The following ARHGEF28 variants were observed in gnomAD, a reference collection of about 807,000 sequenced individuals.
ARHGEF28 encodes the protein Rho guanine nucleotide exchange factor 28, also known as 190 kDa guanine nucleotide exchange factor.
Under a neutral mutation model 206.6 loss-of-function variants are expected in ARHGEF28, and 152 were observed. The ratio of observed to expected loss-of-function variants is 0.74; its 90% CI spans 0.64 to 0.84. The LOEUF is 0.84. Among genes scored for constraint, ARHGEF28 ranks in the 40% least tolerant of loss-of-function variants. The probability of loss-of-function intolerance (pLI) is 0.00; values close to 1 mark genes in which losing one functional copy is unlikely to be tolerated. For missense variants in ARHGEF28, 2,028 were observed against 2,073.2 expected (o/e 0.98, Z 0.42); for synonymous variants, 763 against 776.4 (o/e 0.98, Z 0.29).
chr5:73,791,060 T>G (rs1754449633), intron 7 of ARHGEF28, among the ~76,000 whole-genome samples: 1 of 152,200 alleles, frequency 6.6e-6, no homozygotes, highest in African/African-American at 2.4e-5. Context: ...AAACAACTTT[T>G]CCTTCTCTGT....
At chr5:73,798,842 C>T (rs1394863050) in intron 9 of ARHGEF28, among the ~76,000 whole-genome samples, 1 of 152,196 alleles carries the variant, frequency 6.6e-6, no homozygotes, top group Admixed American at 6.5e-5. Flanking sequence ...AATCCCAGCA[C>T]TTTGGGAGGC....
chr5:73,748,372 A>G (rs1165377169), intron 2 of ARHGEF28, among the ~76,000 whole-genome samples: 1 of 152,130 alleles, frequency 6.6e-6, no homozygotes, highest in African/African-American at 2.4e-5. Context: ...TATACTTTGT[A>G]TTTATACCAT....
chr5:73,782,662 C>T (rs545460436), intron 7 of ARHGEF28, among the ~76,000 whole-genome samples: 39 of 152,258 alleles, frequency 2.6e-4, no homozygotes, highest in African/African-American at 6.5e-4. Flanking sequence ...GCTGTGTTGA[C>T]GGAGCCACTC....
chr5:73,741,919 A>G (rs1751456090), intron 2 of ARHGEF28, among the ~76,000 whole-genome samples: 1 of 152,104 alleles, frequency 6.6e-6, no homozygotes, highest in African/African-American at 2.4e-5. Flanking sequence ...GGCCTGTTAA[A>G]GTTTCCCACT....
In ARHGEF28 at chr5:73,909,501, C is replaced by T. The variant is rs1161192432; in HGVS notation, c.4251C>T (p.Leu1417=). ...GCCTGTCTCTCGGCCACTCTATCCTCCGAGGCGGCCCCTTGCAGGACCAGA... is the reference window on the plus strand; with the variant it reads ...GCCTGTCTCTCGGCCACTCTATCCTTCGAGGCGGCCCCTTGCAGGACCAGA... ...QEGLSLGHSI[L]RGGPLQDQKS... The change falls in exon 34 of 36, where the codon CTC becomes CTT. Residue 1417 remains leucine (L), a synonymous_variant. Coordinates refer to ENST00000513042, the MANE Select transcript of ARHGEF28 (RefSeq NM_001177693.2). The T allele has an allele frequency of 6.2e-7, 1 of 1,609,566 alleles. No homozygotes were observed. The highest frequency in any genetic ancestry group is 1.7e-5 in the Admixed American group (1 of 59,390).
chr5:73,941,453 G>A lies in ARHGEF28; in HGVS notation c.*440G>A. 1 of 153,392 alleles carries A rather than the reference G, an allele frequency of 6.5e-6. No homozygotes were observed. The highest frequency in any genetic ancestry group is 1.5e-5 in the Non-Finnish European group (1 of 68,872). 9.5% of individuals were successfully genotyped at this position (153,392 alleles called of 1,614,324 possible). A position where few individuals can be genotyped will look rare whatever the true frequency, so the allele number is the denominator to read the frequency against. On this transcript the variant is annotated 3_prime_UTR_variant, in exon 36 of 36. Coordinates refer to ENST00000513042, the MANE Select transcript of ARHGEF28 (RefSeq NM_001177693.2). ...TGCCCACATAGGCAGAGGAGGATGTGGGAAAGGGTTTTTCTCAGCTAGTTT... is the reference window on the plus strand; with the variant it reads ...TGCCCACATAGGCAGAGGAGGATGTAGGAAAGGGTTTTTCTCAGCTAGTTT...
chr5:73,766,993 G>A (rs1245106967), intron 4 of ARHGEF28, among the ~76,000 whole-genome samples: 5 of 152,132 alleles, frequency 3.3e-5, no homozygotes, highest in African/African-American at 1.2e-4. Flanking sequence ...TTATCGGGGT[G>A]GGTCTTTCCT....
chr5:73,846,914 C>G (rs988651654), intron 12 of ARHGEF28, among the ~76,000 whole-genome samples: 4 of 152,184 alleles, frequency 2.6e-5, no homozygotes, highest in African/African-American at 9.7e-5. Flanking sequence ...TTGAGCATTT[C>G]TGGCTGCTTG....
chr5:73,823,505 C>T (rs1415478262), intron 9 of ARHGEF28, among the ~76,000 whole-genome samples: 1 of 152,094 alleles, frequency 6.6e-6, no homozygotes, highest in Non-Finnish European at 1.5e-5. Context: ...CAGTTGACAT[C>T]TTAGTTTATC....
chr5:73,715,269 CTGCTGCTGAATTG>C (rs1749514207), intron 2 of ARHGEF28, among the ~76,000 whole-genome samples: 1 of 152,188 alleles, frequency 6.6e-6, no homozygotes. Context: ...GGTGCTGTTG[CTGCTGCTGAATTG>C]TGCTGCTGAC....
chr5:73,753,030 TCTG>T lies in ARHGEF28; in HGVS notation c.307_309del (p.Leu103del). The T allele has an allele frequency of 6.2e-7, 1 of 1,610,556 alleles. No individual in the cohort carries two copies. The highest frequency in any genetic ancestry group is 8.5e-7 in the Non-Finnish European group (1 of 1,178,516). ...ACAACATGGCTTGCAGGCTGGCTCG[TCTG>T]CTGGTGACGCAGGCCAATCGCCTCA... On this transcript the variant is annotated inframe_deletion, in exon 4 of 36. Coordinates refer to ENST00000513042, the MANE Select transcript of ARHGEF28 (RefSeq NM_001177693.2).
chr5:73,828,541 C>T (rs1400999840), intron 9 of ARHGEF28, among the ~76,000 whole-genome samples: 11 of 120,538 alleles, frequency 9.1e-5, no homozygotes, highest in African/African-American at 6.4e-5. Context: ...AGCCATTACC[C>T]GAGTGACAGG....
chr5:73,780,901 G>A (rs1422597169), intron 7 of ARHGEF28, among the ~76,000 whole-genome samples, 156 bp downstream of exon 7: 1 of 152,108 alleles, frequency 6.6e-6, no homozygotes, highest in African/African-American at 2.4e-5. Flanking sequence ...TGGGTCCTCG[G>A]ACAGCATCAA....
At chr5:73,839,276 A>T (rs888262750) in intron 10 of ARHGEF28, among the ~76,000 whole-genome samples, 2 of 152,162 alleles carry the variant, frequency 1.3e-5, no homozygotes, top group Admixed American at 6.5e-5. Flanking sequence ...ATGTCAGGAG[A>T]TATTTTAAGC....
intron 2 of ARHGEF28, among the ~76,000 whole-genome samples, chr5:73,693,947 A>T (rs551831528): frequency 2.0e-5 from 3 of 152,162 alleles, no homozygotes; most frequent in Non-Finnish European, 4.4e-5. Flanking sequence ...GACCATGGTA[A>T]CTGTTTTACC....
chr5:73,798,900 C>G (rs725531), intron 9 of ARHGEF28, among the ~76,000 whole-genome samples: 61,909 of 151,566 alleles, frequency 0.41, 13,089 homozygotes, highest in Non-Finnish European at 0.47. Context: ...CCAGGCTGGC[C>G]AACATGGTGA....
intron 11 of ARHGEF28, 44 bp from the exon 12 acceptor site, chr5:73,846,224 G>A (rs1433706583): frequency 1.9e-6 from 3 of 1,576,182 alleles, no homozygotes; most frequent in South Asian, 2.3e-5. Context: ...GACGCTCTGT[G>A]TCCTTCCTTG....
At chr5:73,790,281 A>C (rs1188418911) in intron 7 of ARHGEF28, among the ~76,000 whole-genome samples, 1 of 152,166 alleles carries the variant, frequency 6.6e-6, no homozygotes, top group Admixed American at 6.5e-5. Flanking sequence ...AGACAAAAAA[A>C]ACTGTGTAAG....
At chr5:73,813,448 C>G (rs1189846123) in intron 9 of ARHGEF28, 1 of 1,426,440 alleles carries the variant, frequency 7.0e-7, no homozygotes, top group Non-Finnish European at 9.2e-7. Context: ...GCCTTTCCCT[C>G]CCTGGTGTGC....
Sources: gnomAD v4.1 joint callset for allele counts (sites outside exome capture counted in the v4.1 genomes callset) on GRCh38, gnomAD v4.1.1 for gene constraint, MANE v1.5 for transcripts, NCBI Gene and HGNC (gene_info 2026-07-23, HGNC 2026-07-21) for gene names.